PLEKHM2: variants seen among roughly 807,000 people sequenced by gnomAD.
PLEKHM2 encodes the protein pleckstrin homology and RUN domain containing M2, also known as pleckstrin homology domain-containing family M member 2.
PLEKHM2 carries 77 observed loss-of-function variants against 116.3 expected under a neutral mutation model. That is an observed-to-expected ratio of 0.66 (90% CI 0.55 to 0.80). The LOEUF is 0.80. PLEKHM2 is among the 30% of genes least tolerant of loss of function. The probability of loss-of-function intolerance (pLI) is 0.00; values close to 1 mark genes in which losing one functional copy is unlikely to be tolerated. For synonymous variants in PLEKHM2, 562 were observed against 571.0 expected (o/e 0.98, Z 0.22); for missense variants, 1,183 against 1,354.9 (o/e 0.87, Z 1.99).
At position 15,727,863 on chromosome 1, in the gene PLEKHM2, C is replaced by T. The variant is rs894563989; in HGVS notation, c.1760+31C>T. On this transcript the variant is annotated intron_variant, in intron 9 of 19. Transcript: ENST00000375799. This position sits in a 1 kb window ranked among gnomAD's most constrained non-coding sequence, Gnocchi z 7.5. ...AAGACTCTGCAGCTGGCATGGGACT[C>T]TCCCAGCCCTTGAAGCTGGGGACAC... 6.8e-7 allele frequency: 1 copy of T among 1,477,924 alleles called. No homozygotes were observed. Among genetic ancestry groups the T allele is most frequent in the Non-Finnish European group, 9.2e-7 (1 of 1,091,556 alleles). The allele number at this position is 1,477,924 out of a possible 1,614,324, so 91.6% of individuals were successfully genotyped here. A position where few individuals can be genotyped will look rare whatever the true frequency, so the allele number is the denominator to read the frequency against.
Position 15,690,197 on chromosome 1 carries a change from C to T in PLEKHM2, c.60+5579C>T, listed in dbSNP as rs1640862670. Among the ~76,000 whole-genome samples, 4 of 151,586 alleles carry T rather than the reference C, an allele frequency of 2.6e-5. No individual in the cohort carries two copies. In the South Asian group the frequency reaches 8.3e-4, roughly 32 times the overall value. On this transcript the variant is annotated intron_variant, in intron 1 of 19. Transcript: ENST00000375799. ...TTCTCGTGCCTCAACCTCCAAGTAG[C>T]TGGGATTACGGGCACAGACCACCAC...
chr1:15,727,132 C>G lies in PLEKHM2; in HGVS notation c.1060C>G (p.Arg354Gly), dbSNP rs143372200. The stretch of plus-strand genomic sequence containing the variant: ...TGCCAAGCAGGGGGACGGTGACAGC[C>G]GCAACGGCAGCCCAAGCCTTGGGCG... ...KCAKQGDGDS[R>G]NGSPSLGRDS... Residue 354 changes from arginine to glycine, a missense_variant, in exon 9 of 20, where the codon CGC (arginine) becomes GGC (glycine). Coordinates refer to ENST00000375799, the MANE Select transcript of PLEKHM2 (RefSeq NM_015164.4). The surrounding 1 kb of genome is among the most constrained non-coding windows in gnomAD (Gnocchi z 7.5). 2 of 1,590,800 alleles carry G rather than the reference C, an allele frequency of 1.3e-6. No homozygotes were observed. The highest frequency in any genetic ancestry group is 1.7e-5 in the Admixed American group (1 of 57,416).
At chr1:15,684,723 A>T in intron 1 of PLEKHM2, 105 bp downstream of exon 1, 1 of 334,206 alleles carries the variant, frequency 3.0e-6, no homozygotes, top group Non-Finnish European at 4.2e-6. Flanking sequence ...CCCCTCCGCG[A>T]CCCGGGGGGC....
chr1:15,682,623 ACAAAC>A (rs1352732107), upstream of PLEKHM2, among the ~76,000 whole-genome samples: 31,394 of 147,356 alleles, frequency 0.21, 4,146 homozygotes, highest in African/African-American at 0.34. Flanking sequence ...TGTCTCAAAA[ACAAAC>A]AAAACAAAAC....
rs767576522 is a variant in PLEKHM2, at chr1:15,733,884, C to T, written c.3010C>T (p.Arg1004Trp). Reference sequence around the variant, plus strand: ...GAGCCTCATCCACAGCGCCTGGCAGCGGAGCGACAGTCTCTGCCGCGGCCG... The same window carrying T: ...GAGCCTCATCCACAGCGCCTGGCAGTGGAGCGACAGTCTCTGCCGCGGCCG... ...ALSLIHSAWQRSDSLCRGRAS... is the reference protein window; with the variant it reads ...ALSLIHSAWQWSDSLCRGRAS... Residue 1004 changes from arginine to tryptophan, a missense_variant, in exon 20 of 20, where the codon CGG becomes TGG. Transcript: ENST00000375799. The T allele has an allele frequency of 2.2e-5, 36 of 1,612,834 alleles. No homozygotes were observed. Among genetic ancestry groups the T allele is most frequent in the East Asian group, 4.5e-5 (2 of 44,882 alleles).
chr1:15,689,024 G>A (rs1333195741), intron 1 of PLEKHM2, among the ~76,000 whole-genome samples: 3 of 151,990 alleles, frequency 2.0e-5, no homozygotes, highest in Non-Finnish European at 2.9e-5. Flanking sequence ...CGAGGCGGGC[G>A]GATCACCTGA....
intron 1 of PLEKHM2, among the ~76,000 whole-genome samples, chr1:15,696,437 G>A (rs1242908622): frequency 6.6e-6 from 1 of 152,102 alleles, no homozygotes; most frequent in East Asian, 1.9e-4. Context: ...TGCAACCTCC[G>A]TCTCCTGGGT....
chr1:15,687,016 G>T (rs1341285171), intron 1 of PLEKHM2, among the ~76,000 whole-genome samples: 1 of 152,000 alleles, frequency 6.6e-6, no homozygotes, highest in Non-Finnish European at 1.5e-5. Flanking sequence ...TTGAACTCCT[G>T]ACCTCAAGTG....
At chr1:15,732,950 G>A (rs184532845) in intron 19 of PLEKHM2, among the ~76,000 whole-genome samples, 294 of 152,350 alleles carry the variant, frequency 1.9e-3, no homozygotes, top group African/African-American at 6.7e-3. Context: ...CTCTTGCTGC[G>A]CACAAGCCTG....
chr1:15,711,785 GA>G (rs1445846677), intron 1 of PLEKHM2, among the ~76,000 whole-genome samples: 4 of 152,012 alleles, frequency 2.6e-5, no homozygotes, highest in South Asian at 2.1e-4. Context: ...TAACGGGGGG[GA>G]AAATAATATA....
chr1:15,694,033 T>G (rs1482260404), intron 1 of PLEKHM2, among the ~76,000 whole-genome samples: 1 of 152,092 alleles, frequency 6.6e-6, no homozygotes, highest in Non-Finnish European at 1.5e-5. Flanking sequence ...GACAGAAAGC[T>G]CTCTGGGTTG....
Position 15,721,059 on chromosome 1 carries a change from C to T in PLEKHM2, c.653-270C>T, listed in dbSNP as rs1389685492. ...AAGCTAGGCACAGGCAGCCAGGCTT[C>T]TCTCTGCCAGAACCAGCTTCTGGAT... is the stretch of plus-strand genomic sequence containing the variant. On this transcript the variant is annotated intron_variant, in intron 6 of 19. Transcript: ENST00000375799. The surrounding 1 kb of genome is among the most constrained non-coding windows in gnomAD (Gnocchi z 5.1). 2 of 419,976 alleles carry T rather than the reference C, an allele frequency of 4.8e-6. No homozygotes were observed. The highest frequency in any genetic ancestry group is 8.4e-6 in the Non-Finnish European group (2 of 236,916). 26.0% of individuals were successfully genotyped at this position (419,976 alleles called of 1,614,324 possible).
chr1:15,684,636 C>A lies in PLEKHM2; in HGVS notation c.60+18C>A. On this transcript the variant is annotated intron_variant, in intron 1 of 19. Coordinates refer to ENST00000375799, the MANE Select transcript of PLEKHM2 (RefSeq NM_015164.4). Reference sequence around the variant, plus strand: ...TGAAGAAGGTGAGCGCGGCCTCCCTCCCGGCCGGGGCCCCTTCCTCGCCGC... The same window carrying A: ...TGAAGAAGGTGAGCGCGGCCTCCCTACCGGCCGGGGCCCCTTCCTCGCCGC... 1 of 1,260,698 alleles carries A rather than the reference C, an allele frequency of 7.9e-7. No homozygotes were observed. Among genetic ancestry groups the A allele is most frequent in the Non-Finnish European group, 1.0e-6 (1 of 991,196 alleles). 78.1% of individuals were successfully genotyped at this position (1,260,698 alleles called of 1,614,324 possible). A position where few individuals can be genotyped will look rare whatever the true frequency, so the allele number is the denominator to read the frequency against.
At position 15,731,903 on chromosome 1, in the gene PLEKHM2, G is replaced by A; in HGVS notation, c.2480G>A (p.Gly827Asp). 1 of 1,611,100 alleles carries A rather than the reference G, an allele frequency of 6.2e-7. No homozygotes were observed. Among genetic ancestry groups the A allele is most frequent in the South Asian group, 1.1e-5 (1 of 90,778 alleles). The change falls in exon 17 of 20, where the codon GGT (glycine) becomes GAT (aspartate). Residue 827 changes from glycine (G) to aspartate (D), a missense_variant. This residue lies in a region of PLEKHM2 where 594 missense variants were observed against 720.1 expected (regional missense o/e 0.82). Transcript: ENST00000375799. ...LSVNMGGEQCGGCRRANTTDR... is the reference protein window; with the variant it reads ...LSVNMGGEQCDGCRRANTTDR... ...CTCTGGCCCAGGGGGGAGCAGTGCG[G>A]TGGCTGCCGGAGAGCCAACACCACG...
chr1:15,725,632 C>T (rs1023712562), intron 8 of PLEKHM2, 87 bp downstream of exon 8: 28 of 957,860 alleles, frequency 2.9e-5, no homozygotes, highest in African/African-American at 1.3e-4. Flanking sequence ...CAGGGCAGAC[C>T]GGGACACCCC....
At chr1:15,708,280 G>A (rs571878655) in intron 1 of PLEKHM2, among the ~76,000 whole-genome samples, 35 of 151,728 alleles carry the variant, frequency 2.3e-4, no homozygotes, top group African/African-American at 7.5e-4. Flanking sequence ...GCAGTGGCAC[G>A]ATCTCAGCTC....
intron 1 of PLEKHM2, among the ~76,000 whole-genome samples, chr1:15,707,656 T>G (rs996600430): frequency 2.6e-5 from 4 of 152,146 alleles, no homozygotes; most frequent in African/African-American, 9.7e-5. Flanking sequence ...CAGAATGAAC[T>G]TCTTCCCAGA....
At chr1:15,696,558 T>A (rs1187049915) in intron 1 of PLEKHM2, among the ~76,000 whole-genome samples, 14 of 151,880 alleles carry the variant, frequency 9.2e-5, no homozygotes, top group Non-Finnish European at 5.9e-5. Context: ...ATCATATTGG[T>A]CAGGCTGGTC....
chr1:15,699,483 G>T (rs922005023), intron 1 of PLEKHM2, among the ~76,000 whole-genome samples: 1 of 152,092 alleles, frequency 6.6e-6, no homozygotes, highest in Non-Finnish European at 1.5e-5. Flanking sequence ...CAGAATGATG[G>T]TTTCCAGCTG....
Sources: gnomAD v4.1 joint callset for allele counts (sites outside exome capture counted in the v4.1 genomes callset) on GRCh38, gnomAD v4.1.1 for gene constraint, gnomAD v4.1.1 regional missense constraint, Gnocchi (gnomAD v3.1) non-coding constraint, MANE v1.5 for transcripts, NCBI Gene and HGNC (gene_info 2026-07-23, HGNC 2026-07-21) for gene names.